AFAP1: variants seen among roughly 807,000 people sequenced by gnomAD.
The protein encoded by AFAP1 is actin filament associated protein 1, also known as actin filament-associated protein 1.
A neutral mutation model predicts 93.9 loss-of-function variants in AFAP1; 75 were observed. The observed-to-expected ratio is 0.80, with a 90% CI of 0.66 to 0.97. AFAP1 has a LOEUF of 0.97. Ranked by LOEUF, AFAP1 falls within the 50% of genes least tolerant of loss-of-function variation. The pLI is 0.00. For synonymous variants in AFAP1, 517 were observed against 430.7 expected (o/e 1.20, Z -2.48); for missense variants, 1,201 against 1,050.8 (o/e 1.14, Z -1.98).
At chr4:7,800,100 G>T (rs964535471) in intron 10 of AFAP1, among the ~76,000 whole-genome samples, 1 of 152,188 alleles carries the variant, frequency 6.6e-6, no homozygotes, top group African/African-American at 2.4e-5. Flanking sequence ...TTTTCCAGGT[G>T]CTTTAGAAAA....
chr4:7,868,744 G>A, intron 2 of AFAP1, 25 bp from the exon 3 acceptor site: 2 of 1,604,434 alleles, frequency 1.2e-6, no homozygotes, highest in Non-Finnish European at 1.7e-6. Context: ...CAGAACCACA[G>A]AACTGGATGA....
intron 1 of AFAP1, among the ~76,000 whole-genome samples, chr4:7,934,725 T>C (rs917721993): frequency 3.3e-5 from 5 of 152,214 alleles, no homozygotes; most frequent in African/African-American, 1.2e-4. Context: ...GTGATGCTGC[T>C]GCTGGATTTC....
intron 1 of AFAP1, among the ~76,000 whole-genome samples, chr4:7,894,659 T>C (rs1373726799): frequency 5.9e-5 from 9 of 152,114 alleles, no homozygotes; most frequent in Admixed American, 5.9e-4. Context: ...GTTGGCTCCT[T>C]CTATACACCC....
At chr4:7,933,259 A>G (rs775491945) in intron 1 of AFAP1, among the ~76,000 whole-genome samples, 25 of 152,004 alleles carry the variant, frequency 1.6e-4, no homozygotes, top group Middle Eastern at 3.4e-3. Flanking sequence ...GGGAGGTCCA[A>G]TCTAATCCCA....
chr4:7,903,021 C>A (rs897882528), intron 1 of AFAP1, among the ~76,000 whole-genome samples: 1 of 152,222 alleles, frequency 6.6e-6, no homozygotes, highest in Non-Finnish European at 1.5e-5. Flanking sequence ...CAAGTATCTG[C>A]GCCACCTCCC....
In AFAP1 at chr4:7,760,942, G is replaced by C. The variant is rs2148926353; in HGVS notation, c.*2823C>G. ...TGCTAAGTACCAGTGACATTGCGAAGAAATCCGGCTTCTCCGGGGACCCTG... is the reference window on the plus strand; with the variant it reads ...TGCTAAGTACCAGTGACATTGCGAACAAATCCGGCTTCTCCGGGGACCCTG... On this transcript the variant is annotated 3_prime_UTR_variant, in exon 18 of 18. Transcript: ENST00000420658. 6.6e-6 allele frequency: 1 copy of C among 152,360 alleles called. No individual in the cohort carries two copies. The highest frequency in any genetic ancestry group is 2.1e-4 in the South Asian group (1 of 4,828). 9.4% of individuals were successfully genotyped at this position (152,360 alleles called of 1,614,324 possible).
rs1251068816 is a variant in AFAP1, at chr4:7,939,204, A to AC, written c.-3+451dup. 2 of 221,908 alleles carry AC rather than the reference A, an allele frequency of 9.0e-6. No individual in the cohort carries two copies. The allele number at this position is 221,908 out of a possible 1,614,324, so 13.7% of individuals were successfully genotyped here. On this transcript the variant is annotated intron_variant, in intron 1 of 17. Coordinates refer to ENST00000420658, the MANE Select transcript of AFAP1 (RefSeq NM_001134647.2). The surrounding 1 kb of genome is among the most constrained non-coding windows in gnomAD (Gnocchi z 5.6). ...AAAGAGCCCCCATCCAGAGTCACGGACCCCCTCGTCCGAGGGTCCGCGCAG... is the reference window on the plus strand; with the variant it reads ...AAAGAGCCCCCATCCAGAGTCACGGACCCCCCTCGTCCGAGGGTCCGCGCAG...
At position 7,818,110 on chromosome 4, in the gene AFAP1, C is replaced by T. The variant is rs562374968; in HGVS notation, c.822+966G>A. ...AATTAGGGAGCTGTGAGTAAGCAGC[C>T]TGCCCTCTGTAATGTGGGTGGGCCT... On this transcript the variant is annotated intron_variant, in intron 7 of 17. Transcript: ENST00000420658. Among the ~76,000 whole-genome samples, 4 of 152,262 alleles carry T rather than the reference C, an allele frequency of 2.6e-5. No individual in the cohort carries two copies. In the East Asian group the frequency reaches 7.7e-4, roughly 29 times the overall value.
At chr4:7,859,400 C>T (rs762719090) in intron 3 of AFAP1, among the ~76,000 whole-genome samples, 28 of 151,980 alleles carry the variant, frequency 1.8e-4, no homozygotes, top group African/African-American at 6.3e-4. Context: ...GCCTGGGCAA[C>T]AGAGCAAGAC....
intron 5 of AFAP1, among the ~76,000 whole-genome samples, chr4:7,840,328 G>A (rs1283736779): frequency 1.1e-4 from 16 of 149,212 alleles, no homozygotes; most frequent in Admixed American, 9.4e-4. Context: ...GTGTGTGTGT[G>A]TTTGAGATGA....
intron 6 of AFAP1, among the ~76,000 whole-genome samples, chr4:7,836,370 C>T (rs749334190): frequency 1.3e-5 from 2 of 152,204 alleles, no homozygotes; most frequent in Admixed American, 1.3e-4. Context: ...GGCAGCTCTA[C>T]GGAGACAGAA....
chr4:7,814,110 C>T (rs983737562), intron 8 of AFAP1, among the ~76,000 whole-genome samples: 1 of 152,198 alleles, frequency 6.6e-6, no homozygotes, highest in African/African-American at 2.4e-5. Context: ...GGAGACTATA[C>T]ATCCAAAACA....
At chr4:7,901,798 C>T (rs1719130576) in intron 1 of AFAP1, among the ~76,000 whole-genome samples, 1 of 152,166 alleles carries the variant, frequency 6.6e-6, no homozygotes, top group Non-Finnish European at 1.5e-5. Context: ...AATCTGAACT[C>T]AGACACAATT....
chr4:7,809,412 T>G (rs551653920), intron 9 of AFAP1: 3 of 500,142 alleles, frequency 6.0e-6, no homozygotes, highest in African/African-American at 5.9e-5. Flanking sequence ...AGAGATCATC[T>G]AAAAGGCCTG....
At chr4:7,925,853 A>AAAAAAAG (rs61035857) in intron 1 of AFAP1, among the ~76,000 whole-genome samples, 1 of 147,326 alleles carries the variant, frequency 6.8e-6, no homozygotes, top group Admixed American at 6.8e-5. Flanking sequence ...CTCAAAAAAA[A>AAAAAAAG]AAAGAAAGAA....
At chr4:7,854,334 G>A (rs145887741) in intron 4 of AFAP1, among the ~76,000 whole-genome samples, 4 of 152,300 alleles carry the variant, frequency 2.6e-5, no homozygotes, top group East Asian at 1.9e-4. Flanking sequence ...TCTGTGCCCC[G>A]ACTGCTCCAG....
In AFAP1 at chr4:7,763,555, A is replaced by T. The variant is rs1361372931; in HGVS notation, c.*210T>A. On this transcript the variant is annotated 3_prime_UTR_variant, in exon 18 of 18. Coordinates refer to ENST00000420658, the MANE Select transcript of AFAP1 (RefSeq NM_001134647.2). ...TTGTTTTTTAACAAAGTTGGGAACC[A>T]AAGTCTTACATCTTTTTTAAAGGCG... 1 of 581,018 alleles carries T rather than the reference A, an allele frequency of 1.7e-6. No individual in the cohort carries two copies. Among genetic ancestry groups the T allele is most frequent in the African/African-American group, 1.9e-5 (1 of 53,200 alleles). The allele number at this position is 581,018 out of a possible 1,614,324, so 36.0% of individuals were successfully genotyped here. A position where few individuals can be genotyped will look rare whatever the true frequency, so the allele number is the denominator to read the frequency against.
intron 9 of AFAP1, among the ~76,000 whole-genome samples, chr4:7,801,092 G>A (rs1461636257): frequency 6.6e-6 from 1 of 151,608 alleles, no homozygotes; most frequent in Non-Finnish European, 1.5e-5. Context: ...TCACAGGCAG[G>A]CAGATTTTGG....
chr4:7,932,746 T>C (rs1721146963), intron 1 of AFAP1, among the ~76,000 whole-genome samples: 10 of 152,008 alleles, frequency 6.6e-5, no homozygotes, highest in Admixed American at 6.6e-4. Flanking sequence ...AGGATCTTCA[T>C]GGCAGTGGCT....
Sources: allele counts gnomAD v4.1 joint callset (sites outside exome capture counted in the v4.1 genomes callset), GRCh38; gene constraint gnomAD v4.1.1; non-coding constraint Gnocchi (gnomAD v3.1); transcripts MANE v1.5; gene names NCBI Gene and HGNC (gene_info 2026-07-23, HGNC 2026-07-21).